The following ARRB1 variants were observed in gnomAD, a reference collection of about 807,000 sequenced individuals.
The protein encoded by ARRB1 is beta-arrestin-1.
A neutral mutation model predicts 56.8 loss-of-function variants in ARRB1; 21 were observed. The ratio of observed to expected loss-of-function variants is 0.37; its 90% CI spans 0.26 to 0.53. The LOEUF is 0.53. Ranked by LOEUF, ARRB1 falls within the 20% of genes least tolerant of loss-of-function variation. The pLI, the probability that ARRB1 is intolerant of heterozygous loss-of-function variation, is 0.88. For synonymous variants in ARRB1, 210 were observed against 218.6 expected (o/e 0.96, Z 0.35); for missense variants, 424 against 553.7 (o/e 0.77, Z 2.35).
intron 11 of ARRB1, among the ~76,000 whole-genome samples, chr11:75,273,398 G>A (rs1424985403): frequency 2.0e-5 from 3 of 152,218 alleles, no homozygotes. Context: ...CTCCGCAGAG[G>A]TGGTGCTTCA....
intron 1 of ARRB1, among the ~76,000 whole-genome samples, chr11:75,339,692 C>A (rs1054458004): frequency 6.6e-6 from 1 of 152,206 alleles, no homozygotes; most frequent in Non-Finnish European, 1.5e-5. Flanking sequence ...CCTCTTCTGG[C>A]AGCTGTTGAG....
At chr11:75,336,553 T>C (rs1370137549) in intron 1 of ARRB1, among the ~76,000 whole-genome samples, 1 of 152,096 alleles carries the variant, frequency 6.6e-6, no homozygotes, top group Non-Finnish European at 1.5e-5. Flanking sequence ...GAAGATACTG[T>C]AGGGTGACCC....
chr11:75,287,385 A>C lies in ARRB1; in HGVS notation c.52-10T>G. On this transcript the variant is annotated splice_polypyrimidine_tract_variant and intron_variant, in intron 2 of 15. Coordinates refer to ENST00000420843, the MANE Select transcript of ARRB1 (RefSeq NM_004041.5). ...CCAGGTAGACGGTGAGCTGAGGAGG[A>C]GAGGCATAGGGGGCGTTAGCAGCTG... The C allele has an allele frequency of 6.4e-7, 1 of 1,557,812 alleles. No individual in the cohort carries two copies. The highest frequency in any genetic ancestry group is 8.7e-7 in the Non-Finnish European group (1 of 1,150,336).
At chr11:75,294,911 A>G (rs11236385) in intron 1 of ARRB1, among the ~76,000 whole-genome samples, 34,619 of 151,956 alleles carry the variant, frequency 0.23, 4,390 homozygotes, top group African/African-American at 0.33. Flanking sequence ...ACAAATTACC[A>G]CACACTTAGT....
intron 1 of ARRB1, among the ~76,000 whole-genome samples, chr11:75,307,230 A>G (rs976563016): frequency 2.0e-5 from 3 of 152,156 alleles, no homozygotes; most frequent in Middle Eastern, 3.2e-3. Flanking sequence ...CCCATGAATC[A>G]GGGAGCGGAA....
At chr11:75,284,475 A>G (rs572369845) in intron 3 of ARRB1, among the ~76,000 whole-genome samples, 196 bp from the exon 4 acceptor site, 1 of 152,318 alleles carries the variant, frequency 6.6e-6, no homozygotes, top group South Asian at 2.1e-4. Flanking sequence ...CCAGGCCAGT[A>G]TAACAGACCC....
intron 15 of ARRB1, among the ~76,000 whole-genome samples, chr11:75,266,901 G>A (rs1286559048): frequency 2.6e-5 from 4 of 152,192 alleles, no homozygotes; most frequent in African/African-American, 7.2e-5. Context: ...GGACCTGTTC[G>A]TGAGGAAAGG....
chr11:75,321,213 G>A (rs780928763), intron 1 of ARRB1, among the ~76,000 whole-genome samples: 9 of 151,952 alleles, frequency 5.9e-5, no homozygotes, highest in African/African-American at 2.2e-4. Flanking sequence ...ACCTCAGCAC[G>A]TGGAAGAAAA....
At chr11:75,339,880 AACCCTGAAAACTCCTAG>A (rs1412337646) in intron 1 of ARRB1, among the ~76,000 whole-genome samples, 2 of 152,194 alleles carry the variant, frequency 1.3e-5, no homozygotes, top group African/African-American at 4.8e-5. Flanking sequence ...GATATAAGCT[AACCCTGAAAACTCCTAG>A]CCCGAGGCCC....
chr11:75,351,511 G>C (rs1256698948), intron 1 of ARRB1, 77 bp downstream of exon 1: 1 of 1,490,200 alleles, frequency 6.7e-7, no homozygotes, highest in East Asian at 2.8e-5. Context: ...GAACCAGGAC[G>C]CAATCGGAGC....
chr11:75,332,692 C>T (rs1947540132), intron 1 of ARRB1, among the ~76,000 whole-genome samples: 1 of 152,120 alleles, frequency 6.6e-6, no homozygotes, highest in Non-Finnish European at 1.5e-5. Flanking sequence ...GTCAGGAGTT[C>T]GAGACCAGCC....
At chr11:75,297,864 CAAAAAAAAAAAA>C (rs34831668) in intron 1 of ARRB1, among the ~76,000 whole-genome samples, 2 of 29,270 alleles carry the variant, frequency 6.8e-5, no homozygotes, top group Non-Finnish European at 1.0e-4. Flanking sequence ...GACTTTGTCT[CAAAAAAAAAAAA>C]AAAAAAAAAA....
intron 1 of ARRB1, among the ~76,000 whole-genome samples, chr11:75,316,622 T>C (rs1947270634): frequency 6.6e-6 from 1 of 151,510 alleles, no homozygotes; most frequent in Admixed American, 6.6e-5. Context: ...TAGGCAGTAG[T>C]CCAGTCCCAT....
chr11:75,323,435 A>G (rs565626242), intron 1 of ARRB1, among the ~76,000 whole-genome samples: 3 of 152,088 alleles, frequency 2.0e-5, no homozygotes, highest in Non-Finnish European at 4.4e-5. Context: ...CCTGTCCAAC[A>G]TGGTAAAATC....
intron 7 of ARRB1, among the ~76,000 whole-genome samples, chr11:75,279,867 C>T (rs1946288084): frequency 6.6e-6 from 1 of 152,118 alleles, no homozygotes; most frequent in Non-Finnish European, 1.5e-5. Context: ...GGGGTTTCAC[C>T]ATGTTGGCCA....
intron 13 of ARRB1, among the ~76,000 whole-genome samples, chr11:75,270,582 G>A (rs568337783): frequency 9.2e-5 from 14 of 151,556 alleles, no homozygotes; most frequent in African/African-American, 1.5e-4. Context: ...AGCCAAGATC[G>A]TGCCACTGCA....
intron 1 of ARRB1, among the ~76,000 whole-genome samples, chr11:75,302,444 A>G (rs1946926521): frequency 6.6e-6 from 1 of 152,246 alleles, no homozygotes; most frequent in Non-Finnish European, 1.5e-5. Flanking sequence ...CTGAAAATCA[A>G]GGGCTAATCA....
intron 13 of ARRB1, 46 bp from the exon 14 acceptor site, chr11:75,269,005 G>T: frequency 6.3e-7 from 1 of 1,583,056 alleles, no homozygotes; most frequent in Non-Finnish European, 8.6e-7. Context: ...GGACTCACAG[G>T]CTGTGAGACT....
chr11:75,274,223 G>C lies in ARRB1; in HGVS notation c.777-12C>G. ...GTGCCACAGTGTCACTGGGAAGAAA[G>C]GAAGCAGCTGTGGAGATGGCCCTCC... On this transcript the variant is annotated splice_polypyrimidine_tract_variant and intron_variant, in intron 10 of 15. Coordinates refer to ENST00000420843, the MANE Select transcript of ARRB1 (RefSeq NM_004041.5). 6.2e-7 allele frequency: 1 copy of C among 1,613,720 alleles called. No individual in the cohort carries two copies. The highest frequency in any genetic ancestry group is 8.5e-7 in the Non-Finnish European group (1 of 1,179,670).
Sources: gnomAD v4.1 joint callset for allele counts (sites outside exome capture counted in the v4.1 genomes callset) on GRCh38, gnomAD v4.1.1 for gene constraint, MANE v1.5 for transcripts, NCBI Gene and HGNC (gene_info 2026-07-23, HGNC 2026-07-21) for gene names.